ANK2: variants seen among roughly 807,000 people sequenced by gnomAD.
The protein encoded by ANK2 is ankyrin 2.
In ANK2, 83 loss-of-function variants were observed where a neutral mutation model predicts 360.5. The observed-to-expected ratio is 0.23, with a 90% CI of 0.19 to 0.28. The LOEUF is 0.28. Among genes scored for constraint, ANK2 ranks in the 10% least tolerant of loss-of-function variants. The pLI, the probability that ANK2 is intolerant of heterozygous loss-of-function variation, is 1.00. For missense variants in ANK2, 4,201 were observed against 4,795.7 expected (o/e 0.88, Z 3.66); for synonymous variants, 1,740 against 1,759.5 (o/e 0.99, Z 0.28).
At chr4:113,049,139 A>T (rs1285264238), upstream of ANK2, among the ~76,000 whole-genome samples, 1 of 152,160 alleles carries the variant, frequency 6.6e-6, no homozygotes, top group Non-Finnish European at 1.5e-5. Context: ...AGGCTTTATG[A>T]CAGAAGTCAT....
At chr4:113,302,928 G>A (rs2075667807) in intron 23 of ANK2, 89 bp downstream of exon 23, 3 of 1,097,120 alleles carry the variant, frequency 2.7e-6, no homozygotes, top group African/African-American at 1.5e-5. Flanking sequence ...AGCTGGTTAT[G>A]TGGATGACAG....
At chr4:112,764,244 C>T in the ANK2 span, among the ~76,000 whole-genome samples, 1 of 152,016 alleles carries the variant, frequency 6.6e-6, no homozygotes, top group Non-Finnish European at 1.5e-5. Flanking sequence ...CGCCCGGCCC[C>T]CTCTGGCTTT....
At chr4:112,708,320 C>G in the ANK2 span, among the ~76,000 whole-genome samples, 1 of 152,088 alleles carries the variant, frequency 6.6e-6, no homozygotes, top group Admixed American at 6.5e-5. Flanking sequence ...AATTGTTTTA[C>G]TCTTTCTGAA....
chr4:113,173,142 A>G (rs1478246750), intron 1 of ANK2, among the ~76,000 whole-genome samples: 1 of 152,252 alleles, frequency 6.6e-6, no homozygotes, highest in Non-Finnish European at 1.5e-5. Context: ...ATTTATAAAC[A>G]TATAAGCCAC....
At chr4:113,378,031 ATTGT>A (rs34564840) in intron 45 of ANK2, 75,663 of 807,524 alleles carry the variant, frequency 0.094, 3,909 homozygotes, top group Middle Eastern at 0.13. Context: ...AAAGCAATAG[ATTGT>A]TTGAAAGTCT....
intron 4 of ANK2, among the ~76,000 whole-genome samples, chr4:113,229,054 C>A (rs1402515651): frequency 6.6e-6 from 1 of 152,178 alleles, no homozygotes; most frequent in Non-Finnish European, 1.5e-5. Context: ...TGTGGACACA[C>A]CAACCTGCAC....
At chr4:113,145,521 G>A (rs772536530) in intron 1 of ANK2, 73 of 910,954 alleles carry the variant, frequency 8.0e-5, no homozygotes, top group Non-Finnish European at 9.4e-5. Context: ...TGCTTGCATG[G>A]TGAAAAACAA....
At chr4:113,286,395 A>G (rs2064604824) in intron 18 of ANK2, among the ~76,000 whole-genome samples, 1 of 152,246 alleles carries the variant, frequency 6.6e-6, no homozygotes, top group East Asian at 1.9e-4. Flanking sequence ...AAAAAGCTCC[A>G]GGCCCACAAG....
intron 42 of ANK2, among the ~76,000 whole-genome samples, chr4:113,368,460 G>A (rs750750672): frequency 1.1e-4 from 17 of 152,220 alleles, no homozygotes; most frequent in Admixed American, 9.8e-4. Context: ...TGGGGTGGGA[G>A]TAAAGAGAAG....
At chr4:112,858,178 A>G (rs1018900379) in intron 1 of ANK2, among the ~76,000 whole-genome samples, 6 of 152,154 alleles carry the variant, frequency 3.9e-5, no homozygotes. Flanking sequence ...CAGTTCTAGT[A>G]TCCTTTGTAA....
chr4:112,761,890 CAT>C, the ANK2 span, among the ~76,000 whole-genome samples: 13 of 152,276 alleles, frequency 8.5e-5, no homozygotes, highest in East Asian at 1.9e-4. Context: ...TTCTGAATAA[CAT>C]AGTACGTTCT....
chr4:113,166,920 T>G (rs2097771620), intron 1 of ANK2, among the ~76,000 whole-genome samples: 1 of 152,148 alleles, frequency 6.6e-6, no homozygotes, highest in Non-Finnish European at 1.5e-5. Context: ...ATGCAATTTT[T>G]GTAATTACAA....
intron 1 of ANK2, among the ~76,000 whole-genome samples, chr4:112,899,531 G>A (rs1192215526): frequency 1.3e-5 from 2 of 152,046 alleles, no homozygotes; most frequent in Non-Finnish European, 2.9e-5. Context: ...GTAGGATTGG[G>A]TACAACGTAG....
At chr4:113,311,171 G>A in intron 23 of ANK2, 84 bp from the exon 24 acceptor site, 1 of 1,560,190 alleles carries the variant, frequency 6.4e-7, no homozygotes, top group South Asian at 1.1e-5. Context: ...TAATGATGTT[G>A]ATGCATTTCA....
At chr4:112,888,551 T>G (rs2079054282) in intron 1 of ANK2, among the ~76,000 whole-genome samples, 1 of 152,214 alleles carries the variant, frequency 6.6e-6, no homozygotes, top group African/African-American at 2.4e-5. Flanking sequence ...ATTTTTTTTT[T>G]TGAAAATTTT....
At chr4:113,359,678 G>A (rs1445373672) in intron 38 of ANK2, among the ~76,000 whole-genome samples, 1 of 152,148 alleles carries the variant, frequency 6.6e-6, no homozygotes, top group Admixed American at 6.6e-5. Flanking sequence ...TTCATAGTAT[G>A]AAGACATTGC....
At chr4:112,990,232 G>A (rs11736256) in intron 2 of ANK2, among the ~76,000 whole-genome samples, 34,983 of 152,046 alleles carry the variant, frequency 0.23, 4,225 homozygotes, top group East Asian at 0.42. Context: ...TTGTGCCACT[G>A]AACTCCAGCC....
chr4:113,165,096 C>T (rs1199374779), intron 1 of ANK2, among the ~76,000 whole-genome samples: 1 of 152,102 alleles, frequency 6.6e-6, no homozygotes, highest in Non-Finnish European at 1.5e-5. Context: ...GTCAGCTTTT[C>T]CATGCTTGGG....
At chr4:112,824,762 A>G (rs2058042308) in intron 1 of ANK2, among the ~76,000 whole-genome samples, 1 of 152,086 alleles carries the variant, frequency 6.6e-6, no homozygotes, top group Non-Finnish European at 1.5e-5. Context: ...TCGGCCTCTC[A>G]AAGTGCTGGG....
Sources: allele counts gnomAD v4.1 joint callset (sites outside exome capture counted in the v4.1 genomes callset), GRCh38; gene constraint gnomAD v4.1.1; transcripts MANE v1.5; gene names NCBI Gene and HGNC (gene_info 2026-07-23, HGNC 2026-07-21).